Variants in ITSN1 observed in about 807,000 individuals in gnomAD.
The protein encoded by ITSN1 is intersectin 1.
In ITSN1, 58 loss-of-function variants were observed where a neutral mutation model predicts 239.8. The ratio of observed to expected loss-of-function variants is 0.24; its 90% CI spans 0.20 to 0.30. The LOEUF (loss-of-function observed/expected upper bound fraction) is 0.30, where lower values mean the gene tolerates loss of function less well. ITSN1 is among the 10% of genes least tolerant of loss of function. The pLI is 1.00. For synonymous variants in ITSN1, 780 were observed against 770.8 expected, an observed-to-expected ratio of 1.01 and a Z score of -0.20; for missense variants, 1,558 against 2,103.3, an observed-to-expected ratio of 0.74 and a Z score of 5.07.
At chr21:33,736,667 C>T (rs2066525080) in intron 5 of ITSN1, among the ~76,000 whole-genome samples, 2 of 152,164 alleles carry the variant, frequency 1.3e-5, no homozygotes, top group African/African-American at 4.8e-5. Flanking sequence ...AATCTTTGGT[C>T]AGGACCCAGG....
intron 16 of ITSN1, among the ~76,000 whole-genome samples, chr21:33,787,643 A>G (rs894110010): frequency 6.6e-6 from 1 of 152,198 alleles, no homozygotes; most frequent in Non-Finnish European, 1.5e-5. Flanking sequence ...CAACCAGAGG[A>G]AAAAAGAAAA....
At chr21:33,819,540 T>A (rs998406305) in intron 24 of ITSN1, among the ~76,000 whole-genome samples, 3 of 152,234 alleles carry the variant, frequency 2.0e-5, no homozygotes, top group Admixed American at 1.3e-4. Flanking sequence ...CTAATTATAT[T>A]TTATTATAAG....
At chr21:33,879,390 A>C (rs77882992) in intron 34 of ITSN1, among the ~76,000 whole-genome samples, 99 of 152,268 alleles carry the variant, frequency 6.5e-4, no homozygotes, top group African/African-American at 2.3e-3. Flanking sequence ...TTAGGAGTGG[A>C]GGACCATTCT....
chr21:33,731,145 G>T (rs972806478), intron 4 of ITSN1, among the ~76,000 whole-genome samples: 3 of 152,190 alleles, frequency 2.0e-5, no homozygotes, highest in African/African-American at 7.2e-5. Context: ...CAAGTCCCTA[G>T]AACCTCATGG....
chr21:33,762,598 A>C (rs1314038622), intron 9 of ITSN1, among the ~76,000 whole-genome samples: 1 of 152,084 alleles, frequency 6.6e-6, no homozygotes, highest in Admixed American at 6.6e-5. Context: ...CTTAGTTATT[A>C]TATAATTTCT....
chr21:33,869,201 A>G (rs1982277980), intron 33 of ITSN1, among the ~76,000 whole-genome samples: 1 of 152,244 alleles, frequency 6.6e-6, no homozygotes, highest in African/African-American at 2.4e-5. Flanking sequence ...TGGGTAATTA[A>G]TAAGGAAAGA....
At chr21:33,767,545 A>T (rs1305896599) in intron 10 of ITSN1, among the ~76,000 whole-genome samples, 168 bp from the exon 11 acceptor site, 1 of 152,244 alleles carries the variant, frequency 6.6e-6, no homozygotes, top group East Asian at 1.9e-4. Flanking sequence ...AATATTCATT[A>T]AAAAACTCTT....
At chr21:33,706,249 C>T (rs1173839226) in intron 1 of ITSN1, among the ~76,000 whole-genome samples, 3 of 151,978 alleles carry the variant, frequency 2.0e-5, no homozygotes, top group Non-Finnish European at 4.4e-5. Flanking sequence ...GAACTCCTGA[C>T]CTCAAGTGAT....
rs372501403 is a variant in ITSN1 at position 33,819,699 on chromosome 21, C to T, written c.3016+376C>T. Among the ~76,000 whole-genome samples, 142 of 152,230 alleles carry T rather than the reference C, an allele frequency of 9.3e-4. 1 individual carries two copies. The highest frequency in any genetic ancestry group is 3.3e-3 in the African/African-American group (138 of 41,526). ...AAGTATTTCGTTTTAAAAGTAACTA[C>T]AGGCCGGGCGCGGTGGCTCACGCCT... On this transcript the variant is annotated intron_variant, in intron 24 of 39. Transcript: ENST00000381318.
chr21:33,822,011 C>G (rs956743138), intron 24 of ITSN1, among the ~76,000 whole-genome samples: 8 of 152,348 alleles, frequency 5.3e-5, no homozygotes, highest in Middle Eastern at 3.4e-3. Context: ...TTCCAATTTT[C>G]ACTGTGGAGG....
rs1187095355 is a variant in ITSN1, at chr21:33,866,203, A to C, written c.4074+869A>C. 2.6e-5 allele frequency among the ~76,000 whole-genome samples: 4 copies of C among 152,166 alleles called. No individual in the cohort carries two copies. In the East Asian group the frequency reaches 5.8e-4, roughly 22 times the overall value. On this transcript the variant is annotated intron_variant, in intron 32 of 39. Transcript: ENST00000381318. Reference sequence around the variant, plus strand: ...CTCTTCTTGGTCAGAGCCTCATGTGAGCTTGTTGTTTCTGCCTCTCATGGT... The same window carrying C: ...CTCTTCTTGGTCAGAGCCTCATGTGCGCTTGTTGTTTCTGCCTCTCATGGT...
intron 29 of ITSN1, 130 bp downstream of exon 29, chr21:33,836,762 C>G: frequency 1.2e-6 from 1 of 805,344 alleles, no homozygotes. Flanking sequence ...TCGCAGTCGT[C>G]TCTTTGAAGA....
At chr21:33,883,874 T>C (rs1239340629) in intron 36 of ITSN1, among the ~76,000 whole-genome samples, 1 of 150,566 alleles carries the variant, frequency 6.6e-6, no homozygotes, top group Non-Finnish European at 1.5e-5. Context: ...ATAACATGGA[T>C]TCAAACTAAT....
intron 29 of ITSN1, among the ~76,000 whole-genome samples, chr21:33,849,073 T>C (rs757845642): frequency 2.4e-4 from 37 of 151,800 alleles, no homozygotes; most frequent in Non-Finnish European, 3.7e-4. Context: ...AAACCCCGTC[T>C]CTACTAAAAA....
chr21:33,839,782 G>A (rs2074760427), intron 29 of ITSN1, among the ~76,000 whole-genome samples: 1 of 152,218 alleles, frequency 6.6e-6, no homozygotes, highest in Non-Finnish European at 1.5e-5. Context: ...CCAGGAAGCT[G>A]TGCTTTCCCC....
At position 33,865,221 on chromosome 21, in the gene ITSN1, G is replaced by A. The variant is rs199694383; in HGVS notation, c.3961G>A (p.Ala1321Thr). 10 of 1,613,782 alleles carry A rather than the reference G, an allele frequency of 6.2e-6. No homozygotes were observed. The highest frequency in any genetic ancestry group is 2.2e-5 in the South Asian group (2 of 90,990). The change falls in exon 32 of 40, where the codon GCA (alanine) becomes ACA (threonine). Residue 1321 changes from alanine to threonine, a missense_variant. This residue lies in a region of ITSN1 where 576 missense variants were observed against 893.3 expected (regional missense o/e 0.64). Transcript: ENST00000381318. This position sits in a 1 kb window ranked among gnomAD's most constrained non-coding sequence, Gnocchi z 4.4. ...GAAGATGATTGGAGACATCCTGAGC[G>A]CACAGCTGCCGCACATGCAGCCCTA... ...PVKMIGDILSAQLPHMQPYIR... is the reference protein window; with the variant it reads ...PVKMIGDILSTQLPHMQPYIR...
intron 31 of ITSN1, among the ~76,000 whole-genome samples, chr21:33,859,405 G>T (rs1980031044): frequency 6.6e-6 from 1 of 151,898 alleles, no homozygotes; most frequent in East Asian, 1.9e-4. Flanking sequence ...AAATGAAAGG[G>T]TTGGATTCGA....
chr21:33,861,213 G>T (rs1475848), intron 31 of ITSN1, among the ~76,000 whole-genome samples: 1 of 152,114 alleles, frequency 6.6e-6, no homozygotes, highest in Non-Finnish European at 1.5e-5. Context: ...GCTGTATTTG[G>T]GTGGCTGCAT....
intron 22 of ITSN1, chr21:33,817,530 G>A (rs1454029356): frequency 1.5e-6 from 2 of 1,304,388 alleles, no homozygotes; most frequent in African/African-American, 3.0e-5. Flanking sequence ...ATTTCATTCT[G>A]CCAGGTGGTA....
Sources: gnomAD v4.1 joint callset for allele counts (sites outside exome capture counted in the v4.1 genomes callset) on GRCh38, gnomAD v4.1.1 for gene constraint, gnomAD v4.1.1 regional missense constraint, Gnocchi (gnomAD v3.1) non-coding constraint, MANE v1.5 for transcripts, NCBI Gene and HGNC (gene_info 2026-07-23, HGNC 2026-07-21) for gene names.